TTC7B: variants seen among roughly 807,000 people sequenced by gnomAD.
TTC7B encodes tetratricopeptide repeat domain 7B.
TTC7B carries 28 observed loss-of-function variants against 106.8 expected under a neutral mutation model. The ratio of observed to expected loss-of-function variants is 0.26; its 90% confidence interval spans 0.19 to 0.36. The LOEUF is 0.36. TTC7B is among the 10% of genes least tolerant of loss of function. TTC7B has a pLI of 1.00. For synonymous variants in TTC7B, 405 were observed against 430.6 expected, an observed-to-expected ratio of 0.94 and a Z score of 0.74; for missense variants, 862 against 1,076.4, an observed-to-expected ratio of 0.80 and a Z score of 2.79.
At chr14:90,611,255 T>C (rs570517730) in intron 16 of TTC7B, among the ~76,000 whole-genome samples, 101 of 152,282 alleles carry the variant, frequency 6.6e-4, no homozygotes, top group African/African-American at 2.2e-3. Flanking sequence ...GCTCCACACC[T>C]GCGCTTCTAA....
At chr14:90,580,771 C>T (rs1891455528) in intron 18 of TTC7B, among the ~76,000 whole-genome samples, 1 of 152,240 alleles carries the variant, frequency 6.6e-6, no homozygotes, top group African/African-American at 2.4e-5. Context: ...AAGGAAAGCC[C>T]AGCCTCTGCA....
intron 15 of TTC7B, among the ~76,000 whole-genome samples, chr14:90,623,758 C>T (rs533213983): frequency 1.5e-4 from 23 of 152,322 alleles, no homozygotes; most frequent in African/African-American, 4.8e-4. Flanking sequence ...CTGTGGCTCA[C>T]GCCTGTTGTC....
intron 2 of TTC7B, among the ~76,000 whole-genome samples, chr14:90,782,957 A>C (rs112804434): frequency 6.6e-6 from 1 of 152,032 alleles, no homozygotes; most frequent in Non-Finnish European, 1.5e-5. Flanking sequence ...AAAAAAAAAA[A>C]GGTTAACAAA....
At position 90,688,513 on chromosome 14, in the gene TTC7B, C is replaced by T. The variant is rs540142270; in HGVS notation, c.950+1027G>A. On this transcript the variant is annotated intron_variant, in intron 7 of 19. Coordinates refer to ENST00000328459, the MANE Select transcript of TTC7B (RefSeq NM_001010854.2). Reference sequence around the variant, plus strand: ...TGGCACGCACCTGTAGTCCCAGCTACTTGGGAGGCTGAGGCAGGGGAATCA... The same window carrying T: ...TGGCACGCACCTGTAGTCCCAGCTATTTGGGAGGCTGAGGCAGGGGAATCA... Among the ~76,000 whole-genome samples the T allele has an allele frequency of 6.6e-4, 100 of 151,292 alleles. 2 individuals carry two copies. Among genetic ancestry groups the T allele is most frequent in the African/African-American group, 2.2e-3 (91 of 41,176 alleles).
At chr14:90,799,772 G>A (rs1358809638) in intron 1 of TTC7B, among the ~76,000 whole-genome samples, 1 of 152,176 alleles carries the variant, frequency 6.6e-6, no homozygotes, top group Non-Finnish European at 1.5e-5. Context: ...CATGTGAAGT[G>A]CAATTGGGAG....
chr14:90,735,281 G>A (rs979485039), intron 4 of TTC7B, among the ~76,000 whole-genome samples: 1 of 152,164 alleles, frequency 6.6e-6, no homozygotes, highest in African/African-American at 2.4e-5. Flanking sequence ...CAAGAAAGGT[G>A]GAATGCTTGA....
chr14:90,750,507 C>T (rs1890103829), intron 3 of TTC7B, among the ~76,000 whole-genome samples: 1 of 152,146 alleles, frequency 6.6e-6, no homozygotes. Flanking sequence ...TTATCATGTT[C>T]TTAAAATACT....
intron 5 of TTC7B, among the ~76,000 whole-genome samples, chr14:90,717,392 T>A (rs1055597354): frequency 6.6e-6 from 1 of 152,068 alleles, no homozygotes; most frequent in Non-Finnish European, 1.5e-5. Flanking sequence ...ACCCTGTAAT[T>A]TAATGCAGGA....
At chr14:90,584,657 C>T (rs944805193) in intron 18 of TTC7B, among the ~76,000 whole-genome samples, 4 of 152,170 alleles carry the variant, frequency 2.6e-5, no homozygotes, top group African/African-American at 7.2e-5. Flanking sequence ...TCTTCTACCT[C>T]ACCTGCGCCT....
chr14:90,729,870 C>A (rs997982647), intron 5 of TTC7B, among the ~76,000 whole-genome samples: 9 of 152,106 alleles, frequency 5.9e-5, no homozygotes, highest in African/African-American at 2.2e-4. Flanking sequence ...CCTTCTCCCA[C>A]CTTCACATCT....
rs1303400828 is a variant in TTC7B at position 90,570,251 on chromosome 14, G to A, written c.2310+7855C>T. On this transcript the variant is annotated intron_variant, in intron 19 of 19. Coordinates refer to ENST00000328459, the MANE Select transcript of TTC7B (RefSeq NM_001010854.2). This position sits in a 1 kb window ranked among gnomAD's most constrained non-coding sequence, Gnocchi z 4.0. ...CCATTAATCAGCCTGACCAAGCCTC[G>A]TGATCTCATGTCAAATCACATGGCT... Among the ~76,000 whole-genome samples the A allele has an allele frequency of 6.6e-6, 1 of 152,128 alleles. No homozygotes were observed. Among genetic ancestry groups the A allele is most frequent in the Admixed American group, 6.5e-5 (1 of 15,282 alleles).
chr14:90,767,791 T>C (rs1446335892), intron 3 of TTC7B, among the ~76,000 whole-genome samples: 1 of 152,090 alleles, frequency 6.6e-6, no homozygotes, highest in Non-Finnish European at 1.5e-5. Context: ...TCAAGAGAAC[T>C]AACATATGTA....
rs1368926162 is a variant in TTC7B at position 90,624,464 on chromosome 14, T to A, written c.1752-6419A>T. ...CATTCCCCAGGAAGACTTCGCTGAC[T>A]CGCTGGAAACTGCTCCCAACCACTG... On this transcript the variant is annotated intron_variant, in intron 15 of 19. Transcript: ENST00000328459. This position sits in a 1 kb window ranked among gnomAD's most constrained non-coding sequence, Gnocchi z 4.0. 1.3e-5 allele frequency among the ~76,000 whole-genome samples: 2 copies of A among 152,234 alleles called. No individual in the cohort carries two copies. The highest frequency in any genetic ancestry group is 2.1e-4 in the South Asian group (1 of 4,816).
intron 19 of TTC7B, among the ~76,000 whole-genome samples, chr14:90,561,197 G>A (rs1402134932): frequency 2.0e-5 from 3 of 152,226 alleles, no homozygotes; most frequent in African/African-American, 7.2e-5. Context: ...GAAGAAAGAC[G>A]CGGCATCACA....
intron 3 of TTC7B, among the ~76,000 whole-genome samples, chr14:90,763,703 T>C (rs1466380146): frequency 6.6e-6 from 1 of 152,214 alleles, no homozygotes. Flanking sequence ...GCTGTATTTC[T>C]ATACCTTAGT....
intron 1 of TTC7B, among the ~76,000 whole-genome samples, chr14:90,786,937 G>A (rs1891413096): frequency 6.6e-6 from 1 of 152,064 alleles, no homozygotes; most frequent in Non-Finnish European, 1.5e-5. Flanking sequence ...AAAAAACAAA[G>A]GTGGCTTATG....
chr14:90,647,126 C>A, intron 13 of TTC7B, 103 bp from the exon 14 acceptor site: 1 of 969,844 alleles, frequency 1.0e-6, no homozygotes, highest in Admixed American at 1.9e-5. Context: ...ACTAAGGGCC[C>A]GTATTTATTT....
At chr14:90,755,634 G>T (rs1349636676) in intron 3 of TTC7B, among the ~76,000 whole-genome samples, 1 of 150,838 alleles carries the variant, frequency 6.6e-6, no homozygotes, top group Non-Finnish European at 1.5e-5. Flanking sequence ...ACTCCAGCCT[G>T]GGCAAAAGGG....
At chr14:90,548,907 C>G (rs1889953062) in intron 19 of TTC7B, among the ~76,000 whole-genome samples, 1 of 152,074 alleles carries the variant, frequency 6.6e-6, no homozygotes, top group African/African-American at 2.4e-5. Flanking sequence ...GTGGGTGGAT[C>G]ACAAGGTCAG....
Sources: allele counts gnomAD v4.1 joint callset (sites outside exome capture counted in the v4.1 genomes callset), GRCh38; gene constraint gnomAD v4.1.1; non-coding constraint Gnocchi (gnomAD v3.1); transcripts MANE v1.5; gene names NCBI Gene and HGNC (gene_info 2026-07-23, HGNC 2026-07-21).